The following SPACA7 variants were observed in gnomAD, a reference collection of about 807,000 sequenced individuals.
SPACA7 encodes sperm acrosome-associated protein 7.
Under a neutral mutation model 26.3 loss-of-function variants are expected in SPACA7, and 19 were observed. The observed-to-expected ratio is 0.72, with a 90% CI of 0.50 to 1.06. The LOEUF is 1.06. Among genes scored for constraint, SPACA7 ranks in the 50% least tolerant of loss-of-function variants. SPACA7 has a pLI of 0.00. For synonymous variants in SPACA7, 84 were observed against 84.5 expected (o/e 0.99, Z 0.04); for missense variants, 211 against 229.9 (o/e 0.92, Z 0.53).
intron 1 of SPACA7, among the ~76,000 whole-genome samples, chr13:112,379,241 C>T (rs577979538): frequency 6.6e-6 from 1 of 152,280 alleles, no homozygotes. Context: ...TCTAATAGTG[C>T]AATCTTAGAG....
chr13:112,382,387 C>G (rs759494502), intron 1 of SPACA7: 65 of 1,533,464 alleles, frequency 4.2e-5, no homozygotes, highest in Admixed American at 1.2e-4. Flanking sequence ...CATGAGCCAC[C>G]GTGCCTGGCC....
At chr13:112,413,578 A>G (rs1433363020) in intron 5 of SPACA7, among the ~76,000 whole-genome samples, 1 of 152,066 alleles carries the variant, frequency 6.6e-6, no homozygotes, top group Non-Finnish European at 1.5e-5. Flanking sequence ...CTTGGGTTGA[A>G]TATTCCTGGT....
intron 4 of SPACA7, 77 bp downstream of exon 4, chr13:112,399,250 G>C: frequency 1.2e-6 from 1 of 800,654 alleles, no homozygotes; most frequent in South Asian, 1.4e-5. Flanking sequence ...GACGCAGGCG[G>C]AAACATCTCC....
chr13:112,414,213 G>T (rs893919661), intron 5 of SPACA7, among the ~76,000 whole-genome samples: 8 of 151,978 alleles, frequency 5.3e-5, no homozygotes, highest in Admixed American at 4.6e-4. Flanking sequence ...AACTATATCA[G>T]CCTGTATTCA....
Position 112,401,080 on chromosome 13 carries a change from A to G in SPACA7, c.361A>G (p.Asn121Asp). 6.2e-7 allele frequency: 1 copy of G among 1,613,880 alleles called. No individual in the cohort carries two copies. Among genetic ancestry groups the G allele is most frequent in the Middle Eastern group, 1.6e-4 (1 of 6,062 alleles). Residue 121 changes from asparagine to aspartate, a missense_variant, in exon 5 of 7, where the codon AAT becomes GAT. Coordinates refer to ENST00000283550, the MANE Select transcript of SPACA7 (RefSeq NM_145248.5). ...VKISNDEANA[N>D]ANLHGDPSEN... ...ATTTGTCATTAAAGAAGCCAATGCT[A>G]ATGCAAATCTCCATGGCGATCCTTC... is the stretch of plus-strand genomic sequence containing the variant.
intron 1 of SPACA7, among the ~76,000 whole-genome samples, chr13:112,381,494 C>CA (rs35147413): frequency 6.1e-3 from 270 of 44,044 alleles, no homozygotes; most frequent in Middle Eastern, 0.014. Context: ...CCCTGTCCCC[C>CA]AAAAAAAAAA....
intron 6 of SPACA7, among the ~76,000 whole-genome samples, 159 bp downstream of exon 6, chr13:112,432,680 T>G (rs1877279027): frequency 6.6e-6 from 1 of 152,164 alleles, no homozygotes; most frequent in African/African-American, 2.4e-5. Flanking sequence ...ACCGTTGATG[T>G]GTGGAAACCT....
intron 5 of SPACA7, among the ~76,000 whole-genome samples, chr13:112,416,337 A>T (rs1886693691): frequency 6.6e-6 from 1 of 151,790 alleles, no homozygotes; most frequent in African/African-American, 2.4e-5. Flanking sequence ...CCTGGGCTGG[A>T]GTGCAGTGGC....
intron 2 of SPACA7, among the ~76,000 whole-genome samples, chr13:112,394,596 C>T (rs2138925386): frequency 1.3e-5 from 2 of 152,156 alleles, no homozygotes; most frequent in Admixed American, 1.3e-4. Context: ...GTGAGCGCTC[C>T]AGTGAATGAA....
At chr13:112,388,875 C>A (rs1224700801) in intron 1 of SPACA7, among the ~76,000 whole-genome samples, 1 of 152,014 alleles carries the variant, frequency 6.6e-6, no homozygotes, top group African/African-American at 2.4e-5. Context: ...CATAGGGAGT[C>A]AAAGCTGTCT....
intron 5 of SPACA7, among the ~76,000 whole-genome samples, chr13:112,415,123 C>T (rs939416730): frequency 1.3e-5 from 2 of 152,242 alleles, no homozygotes; most frequent in Non-Finnish European, 2.9e-5. Context: ...AGGGAGAATC[C>T]TCTGGGCTCC....
At chr13:112,397,271 C>T (rs966599346) in intron 2 of SPACA7, among the ~76,000 whole-genome samples, 3 of 152,200 alleles carry the variant, frequency 2.0e-5, no homozygotes, top group African/African-American at 7.2e-5. Context: ...GAGGGACTTT[C>T]TGGGCTAAAC....
intron 5 of SPACA7, among the ~76,000 whole-genome samples, chr13:112,411,778 G>A (rs1361646495): frequency 2.6e-5 from 4 of 152,070 alleles, no homozygotes. Flanking sequence ...GGTTTTTTAT[G>A]ACTGAATAGT....
chr13:112,382,507 G>A (rs1450390787), intron 1 of SPACA7: 1 of 1,550,234 alleles, frequency 6.5e-7, no homozygotes, highest in South Asian at 1.2e-5. Flanking sequence ...TGAACCCCAA[G>A]GTGAGAACAG....
At chr13:112,417,062 C>CT (rs1886740883) in intron 5 of SPACA7, among the ~76,000 whole-genome samples, 1 of 151,690 alleles carries the variant, frequency 6.6e-6, no homozygotes, top group African/African-American at 2.4e-5. Context: ...TGTTGCCTTG[C>CT]TTTTTTGGTT....
chr13:112,433,103 T>G (rs370935453), intron 6 of SPACA7, among the ~76,000 whole-genome samples: 2,622 of 151,370 alleles, frequency 0.017, 29 homozygotes, highest in South Asian at 0.049. Context: ...CTGACAGCCC[T>G]CTTGTCCTCC....
chr13:112,422,935 A>G (rs537536725), intron 5 of SPACA7, among the ~76,000 whole-genome samples: 1 of 152,244 alleles, frequency 6.6e-6, no homozygotes, highest in Non-Finnish European at 1.5e-5. Context: ...CAGAAAAATC[A>G]GATTCATTGA....
At chr13:112,390,493 T>C (rs183269410) in intron 1 of SPACA7, among the ~76,000 whole-genome samples, 37 of 152,302 alleles carry the variant, frequency 2.4e-4, no homozygotes, top group Non-Finnish European at 4.0e-4. Context: ...CCCTCTGTAT[T>C]AGTCAGTTCT....
At position 112,415,155 on chromosome 13, in the gene SPACA7, C is replaced by T. The variant is rs1048290104; in HGVS notation, c.445+13991C>T. 1.6e-4 allele frequency among the ~76,000 whole-genome samples: 25 copies of T among 152,328 alleles called. No individual in the cohort carries two copies. The Middle Eastern group carries it at 0.017, about 104-fold the overall frequency. On this transcript the variant is annotated intron_variant, in intron 5 of 6. Coordinates refer to ENST00000283550, the MANE Select transcript of SPACA7 (RefSeq NM_145248.5). Reference sequence around the variant, plus strand: ...CTCCCAAAGTCCCTCACTCACTTCCCTCTGTTTCCCCATAGCAGACGGAAT... The same window carrying T: ...CTCCCAAAGTCCCTCACTCACTTCCTTCTGTTTCCCCATAGCAGACGGAAT...
Sources: gnomAD v4.1 joint callset for allele counts (sites outside exome capture counted in the v4.1 genomes callset) on GRCh38, gnomAD v4.1.1 for gene constraint, MANE v1.5 for transcripts, NCBI Gene and HGNC (gene_info 2026-07-23, HGNC 2026-07-21) for gene names.